The following DIRAS2 variants were observed in gnomAD, a reference collection of about 807,000 sequenced individuals.
DIRAS2 encodes the protein DIRAS family GTPase 2, also known as GTP-binding protein Di-Ras2.
Under a neutral mutation model 13.9 loss-of-function variants are expected in DIRAS2, and 5 were observed. The ratio of observed to expected loss-of-function variants is 0.36; its 90% CI spans 0.19 to 0.76. The LOEUF (loss-of-function observed/expected upper bound fraction) is 0.76, where lower values mean the gene tolerates loss of function less well. Among genes scored for constraint, DIRAS2 ranks in the 30% least tolerant of loss-of-function variants. DIRAS2 has a pLI of 0.53. For missense variants in DIRAS2, 191 were observed against 263.0 expected (o/e 0.73, Z 1.89); for synonymous variants, 111 against 105.4 (o/e 1.05, Z -0.33).
At chr9:90,616,757 A>AAT in intron 1 of DIRAS2, among the ~76,000 whole-genome samples, 1 of 151,768 alleles carries the variant, frequency 6.6e-6, no homozygotes, top group Non-Finnish European at 1.5e-5. Flanking sequence ...AAAAAAAAAA[A>AAT]ATTGTAAACT....
At chr9:90,618,349 GAC>G (rs1376947173) in intron 1 of DIRAS2, among the ~76,000 whole-genome samples, 1 of 152,144 alleles carries the variant, frequency 6.6e-6, no homozygotes, top group Admixed American at 6.5e-5. Context: ...TTCAACAAAT[GAC>G]GCTGAAACTG....
rs1825096691 is a variant in DIRAS2, at chr9:90,610,145, C to A, written c.*3083G>T. ...TATTTCCAGAGAACTTATGTAGAAGCAACACATTACAAATTTTGGGGAAAA... is the reference window on the plus strand; with the variant it reads ...TATTTCCAGAGAACTTATGTAGAAGAAACACATTACAAATTTTGGGGAAAA... On this transcript the variant is annotated 3_prime_UTR_variant, in exon 2 of 2. Transcript: ENST00000375765. 2 of 309,178 alleles carry A rather than the reference C, an allele frequency of 6.5e-6. No homozygotes were observed. Among genetic ancestry groups the A allele is most frequent in the Non-Finnish European group, 1.2e-5 (2 of 172,212 alleles). 19.2% of individuals were successfully genotyped at this position (309,178 alleles called of 1,614,324 possible).
rs754355995 is a variant in DIRAS2 at position 90,610,617 on chromosome 9, G to A, written c.*2611C>T. ...CAGCTACATATTTGGGAATGGAAAC[G>A]TACAAATGCTTTAAAAAAATCTAAT... On this transcript the variant is annotated 3_prime_UTR_variant, in exon 2 of 2. Coordinates refer to ENST00000375765, the MANE Select transcript of DIRAS2 (RefSeq NM_017594.5). 15 of 390,422 alleles carry A rather than the reference G, an allele frequency of 3.8e-5. No homozygotes were observed. The highest frequency in any genetic ancestry group is 5.9e-5 in the Non-Finnish European group (13 of 221,940). The allele number at this position is 390,422 out of a possible 1,614,324, so 24.2% of individuals were successfully genotyped here. A position where few individuals can be genotyped will look rare whatever the true frequency, so the allele number is the denominator to read the frequency against.
At chr9:90,629,528 G>GA (rs558290190) in intron 1 of DIRAS2, among the ~76,000 whole-genome samples, 32,024 of 143,346 alleles carry the variant, frequency 0.22, 3,726 homozygotes, top group East Asian at 0.31. Flanking sequence ...AAGACATATA[G>GA]AAAAAAAAAA....
rs150088913 is a variant in DIRAS2 at position 90,623,919 on chromosome 9, C to T, written c.-36-10056G>A. ...GGGAAAATTATAGATTGGAAGAATT[C>T]GGATCTTTAAGAGTAAATGTTTGGA... On this transcript the variant is annotated intron_variant, in intron 1 of 1. Transcript: ENST00000375765. 5.3e-5 allele frequency among the ~76,000 whole-genome samples: 8 copies of T among 152,228 alleles called. No homozygotes were observed. The East Asian group carries it at 1.2e-3, about 22-fold the overall frequency.
At chr9:90,614,584 G>A (rs763725384) in intron 1 of DIRAS2, among the ~76,000 whole-genome samples, 1 of 152,046 alleles carries the variant, frequency 6.6e-6, no homozygotes, top group Non-Finnish European at 1.5e-5. Flanking sequence ...GGATGTCAAT[G>A]CCCATCCCAT....
At chr9:90,628,660 C>T (rs1012254952) in intron 1 of DIRAS2, among the ~76,000 whole-genome samples, 1 of 152,006 alleles carries the variant, frequency 6.6e-6, no homozygotes, top group Non-Finnish European at 1.5e-5. Context: ...ATCCTCCCAC[C>T]TTAGCATCCA....
chr9:90,618,117 T>G (rs1825185962), intron 1 of DIRAS2, among the ~76,000 whole-genome samples: 2 of 152,116 alleles, frequency 1.3e-5, no homozygotes, highest in Non-Finnish European at 2.9e-5. Flanking sequence ...AAAACAATGT[T>G]GAAAAATTAA....
chr9:90,636,027 C>CT (rs1172661795), intron 1 of DIRAS2, among the ~76,000 whole-genome samples: 6,362 of 66,018 alleles, frequency 0.096, 1,658 homozygotes, highest in African/African-American at 0.23. Context: ...ACTGAATATT[C>CT]TTTTTTTTTT....
rs199724640 is a variant in DIRAS2, at chr9:90,612,702, G to A, written c.*526C>T. 5 of 158,560 alleles carry A rather than the reference G, an allele frequency of 3.2e-5. No individual in the cohort carries two copies. The highest frequency in any genetic ancestry group is 9.7e-5 in the African/African-American group (4 of 41,440). The allele number at this position is 158,560 out of a possible 1,614,324, so 9.8% of individuals were successfully genotyped here. A position where few individuals can be genotyped will look rare whatever the true frequency, so the allele number is the denominator to read the frequency against. On this transcript the variant is annotated 3_prime_UTR_variant, in exon 2 of 2. Coordinates refer to ENST00000375765, the MANE Select transcript of DIRAS2 (RefSeq NM_017594.5). The stretch of plus-strand genomic sequence containing the variant: ...GGGAATTAAGAACGGACACCCTTTG[G>A]GGGAGAGGCTGTGTTTTTTAATCCC...
intron 1 of DIRAS2, among the ~76,000 whole-genome samples, chr9:90,627,942 T>C (rs942632704): frequency 6.6e-6 from 1 of 151,998 alleles, no homozygotes; most frequent in Non-Finnish European, 1.5e-5. Context: ...GGCAGGTTGA[T>C]AGGTGCAGCA....
rs1825094955 is a variant in DIRAS2 at position 90,609,955 on chromosome 9, A to T, written c.*3273T>A. 1 of 152,690 alleles carries T rather than the reference A, an allele frequency of 6.5e-6. No individual in the cohort carries two copies. Among genetic ancestry groups the T allele is most frequent in the African/African-American group, 2.4e-5 (1 of 41,494 alleles). 9.5% of individuals were successfully genotyped at this position (152,690 alleles called of 1,614,324 possible). A position where few individuals can be genotyped will look rare whatever the true frequency, so the allele number is the denominator to read the frequency against. ...GCAGAGTAAATAAAATATAATAGAG[A>T]ATAGACTTGTAACAATAAATACACT... On this transcript the variant is annotated 3_prime_UTR_variant, in exon 2 of 2. Coordinates refer to ENST00000375765, the MANE Select transcript of DIRAS2 (RefSeq NM_017594.5).
At chr9:90,641,289 A>G (rs970254247) in intron 1 of DIRAS2, among the ~76,000 whole-genome samples, 1 of 152,214 alleles carries the variant, frequency 6.6e-6, no homozygotes, top group African/African-American at 2.4e-5. Flanking sequence ...GGAGGTTTCT[A>G]CAATAACCAT....
chr9:90,612,034 G>A lies in DIRAS2; in HGVS notation c.*1194C>T, dbSNP rs1825119530. ...AAAGATGCACACAAAATCATTAAGAGAAAAAGATAATTGTTTCTAGAGTGA... is the reference window on the plus strand; with the variant it reads ...AAAGATGCACACAAAATCATTAAGAAAAAAAGATAATTGTTTCTAGAGTGA... On this transcript the variant is annotated 3_prime_UTR_variant, in exon 2 of 2. Transcript: ENST00000375765. 1 of 152,480 alleles carries A rather than the reference G, an allele frequency of 6.6e-6. No homozygotes were observed. Among genetic ancestry groups the A allele is most frequent in the Non-Finnish European group, 1.5e-5 (1 of 68,032 alleles). 9.4% of individuals were successfully genotyped at this position (152,480 alleles called of 1,614,324 possible).
chr9:90,623,904 T>C (rs1587722504), intron 1 of DIRAS2, among the ~76,000 whole-genome samples: 1 of 152,326 alleles, frequency 6.6e-6, no homozygotes, highest in East Asian at 1.9e-4. Context: ...GGGAAAATTA[T>C]AGATTGGAAG....
chr9:90,635,328 A>C (rs1015501763), intron 1 of DIRAS2, among the ~76,000 whole-genome samples: 1 of 152,260 alleles, frequency 6.6e-6, no homozygotes, highest in Non-Finnish European at 1.5e-5. Context: ...AAACCAACCC[A>C]AATTAGTAAG....
At position 90,613,166 on chromosome 9, in the gene DIRAS2, G is replaced by A; in HGVS notation, c.*62C>T. 1.3e-6 allele frequency: 2 copies of A among 1,563,764 alleles called. No individual in the cohort carries two copies. The highest frequency in any genetic ancestry group is 1.7e-6 in the Non-Finnish European group (2 of 1,156,414). Reference sequence around the variant, plus strand: ...ATACATGCTACCCTGACGACGGTGGGTGTCATTTTGGGGGAGTGAGGTGCC... The same window carrying A: ...ATACATGCTACCCTGACGACGGTGGATGTCATTTTGGGGGAGTGAGGTGCC... On this transcript the variant is annotated 3_prime_UTR_variant, in exon 2 of 2. Transcript: ENST00000375765. This position sits in a 1 kb window ranked among gnomAD's most constrained non-coding sequence, Gnocchi z 5.6.
intron 1 of DIRAS2, among the ~76,000 whole-genome samples, chr9:90,623,106 C>T (rs1012901560): frequency 1.3e-4 from 20 of 152,170 alleles, no homozygotes; most frequent in Admixed American, 1.2e-3. Flanking sequence ...AACAAGAATG[C>T]TCATTGCCAT....
At chr9:90,636,861 T>C (rs911631361) in intron 1 of DIRAS2, among the ~76,000 whole-genome samples, 2 of 152,220 alleles carry the variant, frequency 1.3e-5, no homozygotes, top group Non-Finnish European at 2.9e-5. Context: ...CCCTCATAAG[T>C]TGAAAATATC....
Sources: allele counts gnomAD v4.1 joint callset (sites outside exome capture counted in the v4.1 genomes callset), GRCh38; gene constraint gnomAD v4.1.1; non-coding constraint Gnocchi (gnomAD v3.1); transcripts MANE v1.5; gene names NCBI Gene and HGNC (gene_info 2026-07-23, HGNC 2026-07-21).